ANO6: variants seen among roughly 807,000 people sequenced by gnomAD.
ANO6 encodes anoctamin-6.
In ANO6, 106 loss-of-function variants were observed where a neutral mutation model predicts 117.5. The ratio of observed to expected loss-of-function variants is 0.90; its 90% confidence interval spans 0.77 to 1.06. ANO6 has a LOEUF of 1.06. ANO6 is among the 50% of genes least tolerant of loss of function. The probability of loss-of-function intolerance (pLI) is 0.00; values close to 1 mark genes in which losing one functional copy is unlikely to be tolerated. For missense variants in ANO6, 955 were observed against 1,121.1 expected, an observed-to-expected ratio of 0.85 and a Z score of 2.12; for synonymous variants, 367 against 385.1, an observed-to-expected ratio of 0.95 and a Z score of 0.55.
chr12:45,364,837 T>C lies in ANO6; in HGVS notation c.999-2851T>C, dbSNP rs1276680150. On this transcript the variant is annotated intron_variant, in intron 8 of 19. Transcript: ENST00000320560. Reference sequence around the variant, plus strand: ...TGTGTTAGGACCATAGTTTTCCATTTCTTGGTGTATCTTGTAATTTTACAT... The same window carrying C: ...TGTGTTAGGACCATAGTTTTCCATTCCTTGGTGTATCTTGTAATTTTACAT... Among the ~76,000 whole-genome samples the C allele has an allele frequency of 2.0e-5, 3 of 152,358 alleles. No homozygotes were observed. The East Asian group carries it at 5.8e-4, about 29-fold the overall frequency.
chr12:45,274,095 T>C (rs1938472625), intron 1 of ANO6, among the ~76,000 whole-genome samples: 1 of 152,138 alleles, frequency 6.6e-6, no homozygotes, highest in Non-Finnish European at 1.5e-5. Context: ...GCTGGATCCT[T>C]CTCTTCTTCT....
At chr12:45,325,508 CTA>C (rs1343839722) in intron 2 of ANO6, among the ~76,000 whole-genome samples, 2 of 152,004 alleles carry the variant, frequency 1.3e-5, no homozygotes, top group Non-Finnish European at 2.9e-5. Context: ...TTTATTATAT[CTA>C]TCTTTTGTAA....
chr12:45,376,466 T>A, intron 9 of ANO6, among the ~76,000 whole-genome samples: 2 of 125,796 alleles, frequency 1.6e-5, no homozygotes, highest in Non-Finnish European at 1.6e-5. Context: ...TGTCCAACAA[T>A]GATAGACTGG....
At chr12:45,341,992 A>G (rs1940993187) in intron 3 of ANO6, among the ~76,000 whole-genome samples, 1 of 152,158 alleles carries the variant, frequency 6.6e-6, no homozygotes, top group African/African-American at 2.4e-5. Context: ...CTTAATCCTT[A>G]AAACAATCCC....
intron 15 of ANO6, among the ~76,000 whole-genome samples, chr12:45,407,964 G>A (rs549688232): frequency 6.6e-6 from 1 of 152,124 alleles, no homozygotes; most frequent in Non-Finnish European, 1.5e-5. Context: ...AAAGAAGTGG[G>A]GAAAGATTGT....
At chr12:45,228,421 G>A in intron 1 of ANO6, 1 of 224,056 alleles carries the variant, frequency 4.5e-6, no homozygotes, top group Non-Finnish European at 9.0e-6. Flanking sequence ...TTACAGGTGT[G>A]AGCCACTGCA....
chr12:45,300,402 C>T (rs1592935244), intron 1 of ANO6, among the ~76,000 whole-genome samples: 1 of 152,192 alleles, frequency 6.6e-6, no homozygotes, highest in African/African-American at 2.4e-5. Flanking sequence ...TGGTCTCAAA[C>T]TCCTGGGCTT....
chr12:45,372,836 G>C (rs1344693546), intron 9 of ANO6, among the ~76,000 whole-genome samples: 1 of 152,132 alleles, frequency 6.6e-6, no homozygotes, highest in African/African-American at 2.4e-5. Context: ...ACATCATCAT[G>C]ACAGGATCAA....
At chr12:45,255,851 C>T (rs1193460586) in intron 1 of ANO6, among the ~76,000 whole-genome samples, 4 of 125,238 alleles carry the variant, frequency 3.2e-5, no homozygotes, top group Non-Finnish European at 4.7e-5. Flanking sequence ...GACTGAATCT[C>T]GCCCATTCGC....
chr12:45,246,591 A>G (rs1222934714), intron 1 of ANO6, among the ~76,000 whole-genome samples: 1 of 152,142 alleles, frequency 6.6e-6, no homozygotes, highest in Non-Finnish European at 1.5e-5. Context: ...TCCTGTAACT[A>G]ACCTAATGGC....
chr12:45,339,969 C>T (rs1940934671), intron 3 of ANO6, among the ~76,000 whole-genome samples: 1 of 152,066 alleles, frequency 6.6e-6, no homozygotes, highest in Non-Finnish European at 1.5e-5. Context: ...AATTTTACTA[C>T]TTAGACATTG....
chr12:45,426,398 T>TCACCAGTCCTG (rs1408639154), intron 19 of ANO6, among the ~76,000 whole-genome samples: 1 of 152,156 alleles, frequency 6.6e-6, no homozygotes, highest in African/African-American at 2.4e-5. Flanking sequence ...CATCCTTACC[T>TCACCAGTCCTG]CACCAGTCCT....
At chr12:45,237,243 G>A (rs1399178290) in intron 1 of ANO6, among the ~76,000 whole-genome samples, 2 of 152,182 alleles carry the variant, frequency 1.3e-5, no homozygotes, top group Non-Finnish European at 2.9e-5. Flanking sequence ...GATCCCATTT[G>A]TCTATTTTGG....
At chr12:45,256,212 G>T (rs1042925418) in intron 1 of ANO6, among the ~76,000 whole-genome samples, 16 of 152,188 alleles carry the variant, frequency 1.1e-4, no homozygotes, top group African/African-American at 2.9e-4. Flanking sequence ...ACAACACATG[G>T]GTAGACACTG....
At chr12:45,359,876 A>G (rs909693653) in intron 8 of ANO6, among the ~76,000 whole-genome samples, 1 of 152,238 alleles carries the variant, frequency 6.6e-6, no homozygotes, top group Admixed American at 6.5e-5. Context: ...GTATTTTCCA[A>G]AGTGACTGCA....
At chr12:45,231,678 C>T (rs911963190) in intron 1 of ANO6, among the ~76,000 whole-genome samples, 21 of 152,030 alleles carry the variant, frequency 1.4e-4, no homozygotes, top group Admixed American at 9.2e-4. Flanking sequence ...ATTGCCAGAC[C>T]ATCTCATATT....
At chr12:45,396,901 A>G (rs940432445) in intron 12 of ANO6, among the ~76,000 whole-genome samples, 1 of 152,236 alleles carries the variant, frequency 6.6e-6, no homozygotes, top group African/African-American at 2.4e-5. Context: ...AACCTAGGCA[A>G]TACCATTCAG....
rs1343488231 is a variant in ANO6, at chr12:45,254,227, G to A, written c.70+37836G>A. Reference sequence around the variant, plus strand: ...TTGTGGATGCTGGATGGCACAGAGAGAAGGCAGTAGAGAAAGATTATGAAT... The same window carrying A: ...TTGTGGATGCTGGATGGCACAGAGAAAAGGCAGTAGAGAAAGATTATGAAT... On this transcript the variant is annotated intron_variant, in intron 1 of 19. Coordinates refer to ENST00000320560, the MANE Select transcript of ANO6 (RefSeq NM_001025356.3). Among the ~76,000 whole-genome samples the A allele has an allele frequency of 2.6e-5, 4 of 152,332 alleles. No homozygotes were observed. The East Asian group carries it at 7.7e-4, about 29-fold the overall frequency.
intron 17 of ANO6, among the ~76,000 whole-genome samples, chr12:45,419,316 C>A (rs1943294745): frequency 6.6e-6 from 1 of 152,008 alleles, no homozygotes; most frequent in South Asian, 2.1e-4. Flanking sequence ...AATTATCTTC[C>A]TTGTTGGAAT....
Sources: gnomAD v4.1 joint callset for allele counts (sites outside exome capture counted in the v4.1 genomes callset) on GRCh38, gnomAD v4.1.1 for gene constraint, MANE v1.5 for transcripts, NCBI Gene and HGNC (gene_info 2026-07-23, HGNC 2026-07-21) for gene names.